The following OTOG variants were observed in gnomAD, a reference collection of about 807,000 sequenced individuals.
The protein encoded by OTOG is otogelin.
OTOG carries 296 observed loss-of-function variants against 313.8 expected under a neutral mutation model. The ratio of observed to expected loss-of-function variants is 0.94; its 90% CI spans 0.86 to 1.04. OTOG has a LOEUF of 1.04. Ranked by LOEUF, OTOG falls within the 50% of genes least tolerant of loss-of-function variation. OTOG has a pLI of 0.00. For synonymous variants in OTOG, 1,533 were observed against 1,554.9 expected, an observed-to-expected ratio of 0.99 and a Z score of 0.33; for missense variants, 3,948 against 3,840.1, an observed-to-expected ratio of 1.03 and a Z score of -0.74.
Position 17,610,386 on chromosome 11 carries a change from C to T in OTOG, c.5086C>T (p.Pro1696Ser), listed in dbSNP as rs781150269. ...QAQSASSPST[P>S]LTVAGTAAEQ... ...CCAGAGTGCTTCAAGTCCCAGCACC[C>T]CTCTAACTGTGGCTGGAACAGCAGC... The change falls in exon 36 of 56, where the codon CCT (proline) becomes TCT (serine). Residue 1696 changes from proline to serine, a missense_variant. By Grantham distance (74) the Pro-to-Ser change is moderately conservative. Coordinates refer to ENST00000399397, the MANE Select transcript of OTOG (RefSeq NM_001292063.2). 2.4e-5 allele frequency: 37 copies of T among 1,550,488 alleles called. No homozygotes were observed. The South Asian group carries it at 3.0e-4, about 12-fold the overall frequency.
chr11:17,576,567 C>T lies in OTOG; in HGVS notation c.2498C>T (p.Ser833Phe), dbSNP rs1171989994. Residue 833 changes from serine to phenylalanine, a missense_variant, in exon 21 of 56, where the codon TCC becomes TTC. Transcript: ENST00000399397. ...ADLCVPRNQC[S>F]CHFQGVDYPP... ...CCATTTTTTTATAGGAACCAGTGCT[C>T]CTGCCACTTCCAGGGAGTGGACTAT... 6.4e-7 allele frequency: 1 copy of T among 1,550,468 alleles called. No homozygotes were observed. The highest frequency in any genetic ancestry group is 8.7e-7 in the Non-Finnish European group (1 of 1,146,830).
Position 17,570,272 on chromosome 11 carries a change from G to A in OTOG, c.1837G>A (p.Val613Met), listed in dbSNP as rs555426307. The A allele has an allele frequency of 4.0e-5, 62 of 1,550,746 alleles. No homozygotes were observed. The highest frequency in any genetic ancestry group is 4.4e-5 in the Non-Finnish European group (51 of 1,147,062). ...VFLRVRTNVG[V>M]RVLYDREGLR... The stretch of plus-strand genomic sequence containing the variant: ...CCTGCGGGTGAGGACGAACGTGGGC[G>A]TGCGGGTGCTCTACGACCGTGAAGG... The change falls in exon 17 of 56, where the codon GTG becomes ATG. Residue 613 changes from valine to methionine, a missense_variant. Transcript: ENST00000399397.
At chr11:17,592,851 C>T (rs1433970984) in intron 25 of OTOG, among the ~76,000 whole-genome samples, 1 of 152,180 alleles carries the variant, frequency 6.6e-6, no homozygotes, top group Non-Finnish European at 1.5e-5. Context: ...ATATTCAATG[C>T]CAGCAAATTC....
Position 17,631,732 on chromosome 11 carries a change from T to G in OTOG, c.6743T>G (p.Leu2248Arg). The change falls in exon 41 of 56, where the codon CTT becomes CGT. Residue 2248 changes from leucine to arginine, a missense_variant. Leu to Arg is a moderately radical substitution (Grantham distance 102, BLOSUM62 -2). Transcript: ENST00000399397. ...GICDGDAAND[L>R]TLKDGSVVGG... is the part of the protein sequence containing the mutation. ...TGTGATGGAGATGCAGCCAATGACC[T>G]TACCCTGAAGGATGGCTCAGTGGTG... The G allele has an allele frequency of 6.4e-7, 1 of 1,550,606 alleles. No homozygotes were observed. The highest frequency in any genetic ancestry group is 1.4e-5 in the African/African-American group (1 of 73,172).
At chr11:17,644,154 C>A (rs1368474749) in intron 54 of OTOG, among the ~76,000 whole-genome samples, 1 of 152,268 alleles carries the variant, frequency 6.6e-6, no homozygotes, top group Non-Finnish European at 1.5e-5. Context: ...GCTGTATCCC[C>A]TGGGCTTGCA....
At chr11:17,589,737 T>G (rs556209038) in intron 24 of OTOG, among the ~76,000 whole-genome samples, 69 of 152,344 alleles carry the variant, frequency 4.5e-4, no homozygotes, top group African/African-American at 1.6e-3. Context: ...CCCGTTCCCC[T>G]TTAAGCCCTT....
intron 4 of OTOG, among the ~76,000 whole-genome samples, chr11:17,552,499 C>CCTGTGT (rs1851957221): frequency 2.2e-5 from 1 of 45,398 alleles, no homozygotes. Flanking sequence ...TGTGGCCTCT[C>CCTGTGT]CTCCCACCTG....
chr11:17,619,064 A>C (rs894017983), intron 39 of OTOG, among the ~76,000 whole-genome samples: 1 of 152,106 alleles, frequency 6.6e-6, no homozygotes, highest in Non-Finnish European at 1.5e-5. Flanking sequence ...GGAGTTCGAG[A>C]CCAGCCTGGG....
chr11:17,613,845 A>C, intron 39 of OTOG, 144 bp downstream of exon 39: 1 of 657,068 alleles, frequency 1.5e-6, no homozygotes, highest in Non-Finnish European at 2.7e-6. Flanking sequence ...ATAATGCAAA[A>C]TTAGGTATAT....
intron 24 of OTOG, among the ~76,000 whole-genome samples, chr11:17,588,287 T>C (rs1852851624): frequency 6.6e-6 from 1 of 152,180 alleles, no homozygotes; most frequent in Non-Finnish European, 1.5e-5. Flanking sequence ...TGGCCCAGAT[T>C]CCAGCTGCTC....
intron 30 of OTOG, 148 bp from the exon 31 acceptor site, chr11:17,599,523 G>A (rs1294312909): frequency 1.2e-6 from 1 of 803,732 alleles, no homozygotes; most frequent in Non-Finnish European, 2.1e-6. Context: ...CTGCATCCAT[G>A]ACCATTCCCA....
rs1421982295 is a variant in OTOG at position 17,642,147 on chromosome 11, A to G, written c.8316A>G (p.Ala2772=). The change falls in exon 53 of 56, where the codon GCA becomes GCG. Residue 2772 remains alanine (A), a synonymous_variant. Coordinates refer to ENST00000399397, the MANE Select transcript of OTOG (RefSeq NM_001292063.2). ...SLFLPGASWI[A]DCARHHCSST... is the part of the protein sequence containing the mutation. Reference sequence around the variant, plus strand: ...TCCAGCCCGGGGCATCCTGGATCGCAGACTGCGCCCGCCACCACTGCAGCA... The same window carrying G: ...TCCAGCCCGGGGCATCCTGGATCGCGGACTGCGCCCGCCACCACTGCAGCA... 5 of 1,547,336 alleles carry G rather than the reference A, an allele frequency of 3.2e-6. No individual in the cohort carries two copies. Among genetic ancestry groups the G allele is most frequent in the Non-Finnish European group, 2.6e-6 (3 of 1,145,080 alleles).
At chr11:17,564,250 G>A (rs923657004) in intron 15 of OTOG, among the ~76,000 whole-genome samples, 3 of 152,208 alleles carry the variant, frequency 2.0e-5, no homozygotes, top group African/African-American at 7.2e-5. Context: ...CCTGTAGGGA[G>A]GTCAGCGTGT....
chr11:17,640,975 G>A lies in OTOG; in HGVS notation c.8074G>A (p.Glu2692Lys), dbSNP rs1210011035. The change falls in exon 51 of 56, where the codon GAG becomes AAG. Residue 2692 changes from glutamate (E) to lysine (K), a missense_variant. By Grantham distance (56) the Glu-to-Lys change is moderately conservative. Coordinates refer to ENST00000399397, the MANE Select transcript of OTOG (RefSeq NM_001292063.2). ...GVMQPGQTVV[E>K]LSADGVCHTS... ...GATGCAGCCCGGCCAGACAGTGGTG[G>A]AGCTCTCAGCAGATGGCGTGTGCCA... 2 of 1,548,522 alleles carry A rather than the reference G, an allele frequency of 1.3e-6. No individual in the cohort carries two copies. The highest frequency in any genetic ancestry group is 2.4e-5 in the South Asian group (2 of 84,070).
At chr11:17,619,812 T>C (rs1049939399) in intron 39 of OTOG, among the ~76,000 whole-genome samples, 1 of 152,358 alleles carries the variant, frequency 6.6e-6, no homozygotes, top group Middle Eastern at 3.4e-3. Context: ...GGAAAGTTTA[T>C]ATTTAACCAC....
intron 39 of OTOG, among the ~76,000 whole-genome samples, chr11:17,624,505 G>A: frequency 6.6e-6 from 1 of 152,150 alleles, no homozygotes; most frequent in South Asian, 2.1e-4. Flanking sequence ...CTGTTCCATT[G>A]GTCTATGTGC....
At chr11:17,555,572 T>G in intron 6 of OTOG, 1 of 473,208 alleles carries the variant, frequency 2.1e-6, no homozygotes, top group Non-Finnish European at 3.7e-6. Flanking sequence ...TTTCCTAGTT[T>G]TCTGTGTGTG....
At position 17,558,526 on chromosome 11, in the gene OTOG, C is replaced by G. The variant is rs534927556; in HGVS notation, c.997-12C>G. On this transcript the variant is annotated splice_polypyrimidine_tract_variant and intron_variant, in intron 9 of 55. Coordinates refer to ENST00000399397, the MANE Select transcript of OTOG (RefSeq NM_001292063.2). ...CCAGCCCCTAGCCCTGGCTCCTGGTCCCTTGCTCTAGGGCGTGTACGAGCA... is the reference window on the plus strand; with the variant it reads ...CCAGCCCCTAGCCCTGGCTCCTGGTGCCTTGCTCTAGGGCGTGTACGAGCA... 4 of 1,550,288 alleles carry G rather than the reference C, an allele frequency of 2.6e-6. 1 individual carries two copies. In the East Asian group the frequency reaches 7.3e-5, roughly 28 times the overall value.
At chr11:17,562,082 T>C (rs1852202474) in intron 15 of OTOG, among the ~76,000 whole-genome samples, 1 of 146,888 alleles carries the variant, frequency 6.8e-6, no homozygotes, top group Non-Finnish European at 1.5e-5. Context: ...TGTATGTATA[T>C]GAAAGTGTAA....
Sources: gnomAD v4.1 joint callset for allele counts (sites outside exome capture counted in the v4.1 genomes callset) on GRCh38, gnomAD v4.1.1 for gene constraint, MANE v1.5 for transcripts, NCBI Gene and HGNC (gene_info 2026-07-23, HGNC 2026-07-21) for gene names.